The following GASK1B variants were observed in gnomAD, a reference collection of about 807,000 sequenced individuals.
The protein encoded by GASK1B is golgi associated kinase 1B.
In GASK1B, 34 loss-of-function variants were observed where a neutral mutation model predicts 42.8. That is an observed-to-expected ratio of 0.79 (90% CI 0.60 to 1.06). The LOEUF is 1.06. Ranked by LOEUF, GASK1B falls within the 50% of genes least tolerant of loss-of-function variation. GASK1B has a pLI of 0.00. For synonymous variants in GASK1B, 262 were observed against 259.1 expected (o/e 1.01, Z -0.11); for missense variants, 686 against 661.0 (o/e 1.04, Z -0.42).
intron 3 of GASK1B, among the ~76,000 whole-genome samples, chr4:158,136,857 T>C (rs1262390255): frequency 6.6e-6 from 1 of 152,244 alleles, no homozygotes; most frequent in Non-Finnish European, 1.5e-5. Flanking sequence ...GAATTTAACA[T>C]TCACCATAGT....
intron 3 of GASK1B, among the ~76,000 whole-genome samples, chr4:158,147,236 G>A (rs992380196): frequency 6.6e-6 from 1 of 152,036 alleles, no homozygotes; most frequent in South Asian, 2.1e-4. Flanking sequence ...TGGCATTCAC[G>A]AAAAATGGCC....
At chr4:158,127,722 G>T in intron 4 of GASK1B, 108 bp from the exon 5 acceptor site, 1 of 969,760 alleles carries the variant, frequency 1.0e-6, no homozygotes, top group Non-Finnish European at 1.5e-6. Flanking sequence ...CTAACAAATG[G>T]TATCTTTGAG....
chr4:158,132,027 A>C (rs1730703444), intron 3 of GASK1B, among the ~76,000 whole-genome samples: 1 of 152,222 alleles, frequency 6.6e-6, no homozygotes, highest in Non-Finnish European at 1.5e-5. Flanking sequence ...ATCTCAAAAC[A>C]AGCTTCTAAG....
chr4:158,163,584 AAG>A (rs1386587469), intron 2 of GASK1B, among the ~76,000 whole-genome samples: 5 of 152,136 alleles, frequency 3.3e-5, no homozygotes, highest in Non-Finnish European at 7.4e-5. Context: ...AAAAAAAAAA[AAG>A]AGTGTTAGTA....
chr4:158,132,602 T>A (rs184730410), intron 3 of GASK1B, among the ~76,000 whole-genome samples: 1 of 152,242 alleles, frequency 6.6e-6, no homozygotes. Flanking sequence ...TTACTGTATG[T>A]AAATGGACTT....
At position 158,170,839 on chromosome 4, in the gene GASK1B, G is replaced by C. The variant is rs1732479803; in HGVS notation, c.537C>G (p.Pro179=). ...CTCCCGGACCCCGCACCAACCTCCA[G>C]GGTCGCTCTCCAATCTTAACCAGGT... ...GANLVKIGER[P]WRLVRGPGVR... The change falls in exon 2 of 5, where the codon CCC becomes CCG. Residue 179 remains proline (P), a synonymous_variant. Transcript: ENST00000585682. 4 of 1,614,080 alleles carry C rather than the reference G, an allele frequency of 2.5e-6. No homozygotes were observed. In the African/African-American group the frequency reaches 5.3e-5, roughly 22 times the overall value.
At position 158,170,579 on chromosome 4, in the gene GASK1B, C is replaced by G. The variant is rs1732447415; in HGVS notation, c.797G>C (p.Gly266Ala). The G allele has an allele frequency of 2.5e-6, 4 of 1,614,014 alleles. No individual in the cohort carries two copies. The highest frequency in any genetic ancestry group is 1.3e-5 in the African/African-American group (1 of 74,948). The change falls in exon 2 of 5, where the codon GGG becomes GCG. Residue 266 changes from glycine to alanine, a missense_variant. By Grantham distance (60) the Gly-to-Ala change is moderately conservative. Coordinates refer to ENST00000585682, the MANE Select transcript of GASK1B (RefSeq NM_001128424.2). Reference sequence around the variant, plus strand: ...CATGTCCAAGGGCTGCTTGAGAAGCCCACAGGGGCTAGGGCCACAGCGGAG... The same window carrying G: ...CATGTCCAAGGGCTGCTTGAGAAGCGCACAGGGGCTAGGGCCACAGCGGAG... Reference protein sequence around the residue: ...AVLRCGPSPCGLLKQPLDMSE... With the variant: ...AVLRCGPSPCALLKQPLDMSE...
intron 2 of GASK1B, among the ~76,000 whole-genome samples, chr4:158,157,527 G>A (rs1276662211): frequency 6.6e-6 from 1 of 152,034 alleles, no homozygotes; most frequent in East Asian, 1.9e-4. Flanking sequence ...AATACAAATA[G>A]AAAACACACA....
chr4:158,165,588 T>C (rs998601993), intron 2 of GASK1B, among the ~76,000 whole-genome samples: 1 of 152,154 alleles, frequency 6.6e-6, no homozygotes, highest in Non-Finnish European at 1.5e-5. Flanking sequence ...CAATGTTAGA[T>C]TATTGAATAG....
rs749442476 is a variant in GASK1B at position 158,127,485 on chromosome 4, A to T, written c.1482T>A (p.Asp494Glu). Reference sequence around the variant, plus strand: ...GAATTTTGGCTCTGTGTTCTATTACATCGATAAGCTTTTCAATTCCTTGTC... The same window carrying T: ...GAATTTTGGCTCTGTGTTCTATTACTTCGATAAGCTTTTCAATTCCTTGTC... ...GGRQGIEKLI[D>E]VIEHRAKILI... Residue 494 changes from aspartate (D) to glutamate (E), a missense_variant, in exon 5 of 5, where the codon GAT (aspartate) becomes GAA (glutamate). Transcript: ENST00000585682. 6.2e-7 allele frequency: 1 copy of T among 1,613,770 alleles called. No individual in the cohort carries two copies. The highest frequency in any genetic ancestry group is 1.7e-5 in the Admixed American group (1 of 59,990).
intron 3 of GASK1B, among the ~76,000 whole-genome samples, chr4:158,148,332 TCCA>T (rs1344771626): frequency 6.6e-6 from 1 of 152,224 alleles, no homozygotes; most frequent in African/African-American, 2.4e-5. Context: ...TAGTTTGCTT[TCCA>T]CTTCCCACAG....
intron 3 of GASK1B, among the ~76,000 whole-genome samples, chr4:158,146,228 A>C (rs2110968169): frequency 6.6e-6 from 1 of 152,200 alleles, no homozygotes; most frequent in South Asian, 2.1e-4. Flanking sequence ...TACAAAGTTG[A>C]AAAAGACAGG....
chr4:158,129,074 T>A (rs1364961842), intron 4 of GASK1B, among the ~76,000 whole-genome samples: 1 of 152,210 alleles, frequency 6.6e-6, no homozygotes, highest in Non-Finnish European at 1.5e-5. Flanking sequence ...GTAGGAATAT[T>A]CAGTGCATAA....
At position 158,171,240 on chromosome 4, in the gene GASK1B, T is replaced by C; in HGVS notation, c.136A>G (p.Ile46Val). The change falls in exon 2 of 5, where the codon ATC becomes GTC. Residue 46 changes from isoleucine (I) to valine (V), a missense_variant. Ile to Val is a conservative substitution (Grantham distance 29). Coordinates refer to ENST00000585682, the MANE Select transcript of GASK1B (RefSeq NM_001128424.2). ...RNLLLGTACAIYLGFLVSQVG... is the reference protein window; with the variant it reads ...RNLLLGTACAVYLGFLVSQVG... The stretch of plus-strand genomic sequence containing the variant: ...TGGCTCACCAGGAAGCCCAAGTAGA[T>C]GGCACACGCAGTGCCCAGCAGAAGG... The C allele has an allele frequency of 6.2e-7, 1 of 1,614,024 alleles. No individual in the cohort carries two copies. The highest frequency in any genetic ancestry group is 8.5e-7 in the Non-Finnish European group (1 of 1,180,002).
intron 2 of GASK1B, among the ~76,000 whole-genome samples, chr4:158,163,162 G>A (rs768783198): frequency 5.3e-5 from 8 of 152,110 alleles, no homozygotes; most frequent in African/African-American, 1.7e-4. Context: ...AAAATTTTAG[G>A]TGCCCATTTA....
At chr4:158,128,213 T>A (rs1730536365) in intron 4 of GASK1B, among the ~76,000 whole-genome samples, 1 of 152,192 alleles carries the variant, frequency 6.6e-6, no homozygotes, top group African/African-American at 2.4e-5. Flanking sequence ...GGATTTAGGA[T>A]CATTTTATTT....
At chr4:158,157,464 A>G (rs1271531370) in intron 2 of GASK1B, among the ~76,000 whole-genome samples, 1 of 152,154 alleles carries the variant, frequency 6.6e-6, no homozygotes, top group Non-Finnish European at 1.5e-5. Context: ...AATAAATTCC[A>G]GGTAAAAGCA....
At chr4:158,159,497 A>G (rs1160639251) in intron 2 of GASK1B, 1 of 440,124 alleles carries the variant, frequency 2.3e-6, no homozygotes, top group African/African-American at 2.0e-5. Context: ...AAAACAGGAA[A>G]CTGGTTAAAG....
At chr4:158,144,252 T>A (rs1269920318) in intron 3 of GASK1B, among the ~76,000 whole-genome samples, 1 of 152,218 alleles carries the variant, frequency 6.6e-6, no homozygotes, top group Non-Finnish European at 1.5e-5. Flanking sequence ...ATTTGGAAAG[T>A]CTTCTGAAGC....
Sources: allele counts gnomAD v4.1 joint callset (sites outside exome capture counted in the v4.1 genomes callset), GRCh38; gene constraint gnomAD v4.1.1; transcripts MANE v1.5; gene names NCBI Gene and HGNC (gene_info 2026-07-23, HGNC 2026-07-21).